The following NEK1 variants were observed in gnomAD, a reference collection of about 807,000 sequenced individuals.
The protein encoded by NEK1 is NIMA related kinase 1.
A neutral mutation model predicts 182.1 loss-of-function variants in NEK1; 137 were observed. That is an observed-to-expected ratio of 0.75 (90% CI 0.65 to 0.87). The LOEUF (loss-of-function observed/expected upper bound fraction) is 0.87, where lower values mean the gene tolerates loss of function less well. Among genes scored for constraint, NEK1 ranks in the 40% least tolerant of loss-of-function variants. The pLI, the probability that NEK1 is intolerant of heterozygous loss-of-function variation, is 0.00. For missense variants in NEK1, 1,391 were observed against 1,494.4 expected (o/e 0.93, Z 1.14); for synonymous variants, 513 against 492.2 (o/e 1.04, Z -0.56).
chr4:169,588,235 C>T (rs7699772), intron 8 of NEK1, among the ~76,000 whole-genome samples: 13,539 of 152,108 alleles, frequency 0.089, 793 homozygotes, highest in African/African-American at 0.16. Context: ...CCTCTCTCTG[C>T]TTTTGGTTTC....
chr4:169,414,228 A>G (rs1353528649), intron 31 of NEK1, among the ~76,000 whole-genome samples: 2 of 152,196 alleles, frequency 1.3e-5, no homozygotes, highest in Non-Finnish European at 2.9e-5. Context: ...CTGATCTAGA[A>G]TCTATTTGCT....
At chr4:169,601,742 A>C (rs140235177) in intron 4 of NEK1, among the ~76,000 whole-genome samples, 2 of 152,248 alleles carry the variant, frequency 1.3e-5, no homozygotes, top group Non-Finnish European at 2.9e-5. Context: ...AGGCTGAGGC[A>C]TAAGAATCAC....
At chr4:169,439,333 T>A (rs1170694175) in intron 27 of NEK1, among the ~76,000 whole-genome samples, 3 of 152,224 alleles carry the variant, frequency 2.0e-5, no homozygotes, top group Non-Finnish European at 4.4e-5. Context: ...GCAGGAACTG[T>A]CCTTAGCTCA....
At chr4:169,571,447 G>C (rs879310381) in intron 12 of NEK1, among the ~76,000 whole-genome samples, 1 of 152,148 alleles carries the variant, frequency 6.6e-6, no homozygotes, top group Non-Finnish European at 1.5e-5. Context: ...GAAAAACAAA[G>C]CAGAGTAAAG....
At chr4:169,465,951 CA>C (rs1007358402) in intron 26 of NEK1, among the ~76,000 whole-genome samples, 4 of 151,688 alleles carry the variant, frequency 2.6e-5, no homozygotes, top group Admixed American at 1.3e-4. Context: ...TGGACACCCC[CA>C]AAAAATTATC....
intron 12 of NEK1, among the ~76,000 whole-genome samples, chr4:169,575,508 G>C (rs1365984023): frequency 1.3e-5 from 2 of 152,190 alleles, no homozygotes; most frequent in Non-Finnish European, 2.9e-5. Flanking sequence ...CAGCTTCCCT[G>C]TGAGTTTCAG....
chr4:169,561,850 T>C lies in NEK1; in HGVS notation c.1122A>G (p.Glu374=), dbSNP rs992324423. 6 of 1,610,572 alleles carry C rather than the reference T, an allele frequency of 3.7e-6. No homozygotes were observed. Among genetic ancestry groups the C allele is most frequent in the Non-Finnish European group, 3.4e-6 (4 of 1,178,776 alleles). The stretch of plus-strand genomic sequence containing the variant: ...AAACTACCTGATCCTTTTGTTTCTT[T>C]TCTTTTTCAATAAATTCCAGCCTTC... The part of the protein sequence containing the change: ...RKRRLEFIEK[E]KKQKDQIISL... The change falls in exon 14 of 36, where the codon GAA becomes GAG. Residue 374 remains glutamate (E), a synonymous_variant. Coordinates refer to ENST00000507142, the MANE Select transcript of NEK1 (RefSeq NM_001199397.3).
intron 26 of NEK1, among the ~76,000 whole-genome samples, chr4:169,475,439 C>T (rs1196466346): frequency 6.6e-6 from 1 of 152,056 alleles, no homozygotes; most frequent in Non-Finnish European, 1.5e-5. Context: ...AAAAATAAGA[C>T]ATGAATGAAT....
intron 24 of NEK1, among the ~76,000 whole-genome samples, chr4:169,477,755 T>C (rs946841207): frequency 1.3e-5 from 2 of 152,022 alleles, no homozygotes; most frequent in Non-Finnish European, 2.9e-5. Context: ...TAATTAACTA[T>C]ATCCTCTTCC....
chr4:169,588,533 ATATGTGTTTACATG>A, intron 8 of NEK1, 102 bp downstream of exon 8: 2 of 589,468 alleles, frequency 3.4e-6, no homozygotes, highest in Non-Finnish European at 6.1e-6. Flanking sequence ...TTATATATAC[ATATGTGTTTACATG>A]TATGTATTAT....
chr4:169,445,147 C>T (rs948613896), intron 27 of NEK1, among the ~76,000 whole-genome samples: 1 of 151,596 alleles, frequency 6.6e-6, no homozygotes, highest in Admixed American at 6.6e-5. Context: ...ACAAAAGGGC[C>T]AGAAGCTCAT....
At chr4:169,422,931 TTC>T (rs1209451574) in intron 31 of NEK1, among the ~76,000 whole-genome samples, 1 of 152,186 alleles carries the variant, frequency 6.6e-6, no homozygotes, top group African/African-American at 2.4e-5. Flanking sequence ...CTATAGGCCT[TTC>T]TCTCTAACTC....
intron 18 of NEK1, among the ~76,000 whole-genome samples, chr4:169,538,165 G>A (rs1221605162): frequency 6.6e-6 from 1 of 151,660 alleles, no homozygotes; most frequent in Non-Finnish European, 1.5e-5. Context: ...ATATTTATTT[G>A]ATCTATTCTA....
chr4:169,457,356 A>C (rs916940871), intron 27 of NEK1, among the ~76,000 whole-genome samples: 9 of 152,044 alleles, frequency 5.9e-5, no homozygotes, highest in Non-Finnish European at 1.3e-4. Flanking sequence ...TACCCACAAT[A>C]GTTAATAAGA....
chr4:169,413,745 G>A (rs943851761), intron 31 of NEK1, among the ~76,000 whole-genome samples: 4 of 152,132 alleles, frequency 2.6e-5, no homozygotes, highest in Admixed American at 6.5e-5. Flanking sequence ...GGCCAGGTGC[G>A]ATGGCTCACG....
intron 19 of NEK1, among the ~76,000 whole-genome samples, chr4:169,512,865 G>A (rs1754411347): frequency 1.3e-5 from 2 of 152,062 alleles, no homozygotes; most frequent in African/African-American, 4.8e-5. Context: ...CTACTCCACT[G>A]AATTGCTTTT....
At chr4:169,489,862 A>T (rs1192791309) in intron 23 of NEK1, among the ~76,000 whole-genome samples, 4 of 152,252 alleles carry the variant, frequency 2.6e-5, no homozygotes, top group Admixed American at 2.6e-4. Context: ...AATGCCTTAG[A>T]GTCAGTCCCC....
At chr4:169,601,225 T>C (rs1029676930) in intron 4 of NEK1, among the ~76,000 whole-genome samples, 2 of 152,198 alleles carry the variant, frequency 1.3e-5, no homozygotes, top group Non-Finnish European at 2.9e-5. Context: ...TAACTTTAGC[T>C]CTAATTCAGA....
At chr4:169,409,289 C>A (rs1348941935) in intron 31 of NEK1, among the ~76,000 whole-genome samples, 1 of 151,678 alleles carries the variant, frequency 6.6e-6, no homozygotes, top group Non-Finnish European at 1.5e-5. Flanking sequence ...GGACTACAGG[C>A]GCCCTACACC....
Sources: allele counts gnomAD v4.1 joint callset (sites outside exome capture counted in the v4.1 genomes callset), GRCh38; gene constraint gnomAD v4.1.1; transcripts MANE v1.5; gene names NCBI Gene and HGNC (gene_info 2026-07-23, HGNC 2026-07-21).